FBN3: variants seen among roughly 807,000 people sequenced by gnomAD.
The protein encoded by FBN3 is fibrillin 3, also known as fibrillin-3.
A neutral mutation model predicts 330.1 loss-of-function variants in FBN3; 234 were observed. The observed-to-expected ratio is 0.71, with a 90% CI of 0.64 to 0.79. FBN3 has a LOEUF of 0.79. FBN3 is among the 30% of genes least tolerant of loss of function. The probability of loss-of-function intolerance (pLI) is 0.00; values close to 1 mark genes in which losing one functional copy is unlikely to be tolerated. For missense variants in FBN3, 3,606 were observed against 3,886.9 expected, an observed-to-expected ratio of 0.93 and a Z score of 1.92; for synonymous variants, 1,458 against 1,517.3, an observed-to-expected ratio of 0.96 and a Z score of 0.91.
intron 41 of FBN3, among the ~76,000 whole-genome samples, chr19:8,099,358 G>C (rs1599337148): frequency 7.3e-6 from 1 of 137,140 alleles, no homozygotes; most frequent in Admixed American, 8.7e-5. Flanking sequence ...TCGGCTCACT[G>C]CAAGCTCCAT....
chr19:8,078,571 G>A (rs1355531430), intron 59 of FBN3, among the ~76,000 whole-genome samples: 2 of 125,006 alleles, frequency 1.6e-5, no homozygotes, highest in Non-Finnish European at 3.2e-5. Flanking sequence ...CACATCCAGT[G>A]AAAACCTTAC....
chr19:8,141,195 A>T (rs1283820600), intron 8 of FBN3, among the ~76,000 whole-genome samples: 1 of 41,442 alleles, frequency 2.4e-5, no homozygotes, highest in Non-Finnish European at 7.4e-5. Flanking sequence ...ACTCCGTCTC[A>T]AAAAAAAAAA....
chr19:8,079,137 G>T (rs1473508924), intron 59 of FBN3, among the ~76,000 whole-genome samples: 1 of 152,138 alleles, frequency 6.6e-6, no homozygotes, highest in Non-Finnish European at 1.5e-5. Flanking sequence ...GGAGGCTGAG[G>T]TGGGAGGATC....
rs373137320 is a variant in FBN3 at position 8,129,041 on chromosome 19, C to T, written c.2283G>A (p.Thr761=). 26 of 1,612,856 alleles carry T rather than the reference C, an allele frequency of 1.6e-5. No individual in the cohort carries two copies. Among genetic ancestry groups the T allele is most frequent in the African/African-American group, 2.7e-5 (2 of 74,902 alleles). Residue 761 remains threonine, a synonymous_variant, in exon 18 of 64, where the codon ACG becomes ACA. Coordinates refer to ENST00000600128, the MANE Select transcript of FBN3 (RefSeq NM_032447.5). This position sits in a 1 kb window ranked among gnomAD's most constrained non-coding sequence, Gnocchi z 4.5. ...CPPGFHFWQD[T]EICKDVDECL... ...GGGACCCAGTACCTTTGCAGATCTC[C>T]GTGTCCTGCCAGAAGTGGAAGCCGG...
chr19:8,148,393 C>T (rs8102199), intron 1 of FBN3, among the ~76,000 whole-genome samples: 1,527 of 152,246 alleles, frequency 0.01, 27 homozygotes, highest in African/African-American at 0.036. Context: ...GGGAAGGGAC[C>T]GCTTCTGTGC....
intron 13 of FBN3, among the ~76,000 whole-genome samples, chr19:8,134,226 A>G (rs2083224156): frequency 1.3e-5 from 2 of 149,904 alleles, no homozygotes; most frequent in East Asian, 2.0e-4. Flanking sequence ...TGGGTGACAG[A>G]GTGAGACTCC....
rs933790668 is a variant in FBN3, at chr19:8,109,914, C to T, written c.4334-161G>A. 6.6e-6 allele frequency among the ~76,000 whole-genome samples: 1 copy of T among 152,158 alleles called. No homozygotes were observed. Among genetic ancestry groups the T allele is most frequent in the African/African-American group, 2.4e-5 (1 of 41,432 alleles). Reference sequence around the variant, plus strand: ...TTCCCTGGGAAGAAACCTAAGGGGACAGGAGCCTCCAGTCTGTCCTGTCCC... The same window carrying T: ...TTCCCTGGGAAGAAACCTAAGGGGATAGGAGCCTCCAGTCTGTCCTGTCCC... On this transcript the variant is annotated intron_variant, in intron 34 of 63. Coordinates refer to ENST00000600128, the MANE Select transcript of FBN3 (RefSeq NM_032447.5). This position sits in a 1 kb window ranked among gnomAD's most constrained non-coding sequence, Gnocchi z 5.2.
chr19:8,121,047 G>A lies in FBN3; in HGVS notation c.3211+211C>T, dbSNP rs1038507199. On this transcript the variant is annotated intron_variant, in intron 25 of 63. Transcript: ENST00000600128. This position sits in a 1 kb window ranked among gnomAD's most constrained non-coding sequence, Gnocchi z 4.5. Reference sequence around the variant, plus strand: ...CTGGGAGACCACACCCCAGTGTGCCGGCCACCCCCAGGTCTCAGGCCCCAG... The same window carrying A: ...CTGGGAGACCACACCCCAGTGTGCCAGCCACCCCCAGGTCTCAGGCCCCAG... Among the ~76,000 whole-genome samples, 1 of 151,976 alleles carries A rather than the reference G, an allele frequency of 6.6e-6. No homozygotes were observed. Among genetic ancestry groups the A allele is most frequent in the Non-Finnish European group, 1.5e-5 (1 of 67,992 alleles).
chr19:8,127,744 G>A (rs1445996398), intron 18 of FBN3, among the ~76,000 whole-genome samples: 1 of 152,224 alleles, frequency 6.6e-6, no homozygotes, highest in Non-Finnish European at 1.5e-5. Flanking sequence ...ACCTCTTTGG[G>A]AGGCAGAGGC....
rs1049041547 is a variant in FBN3 at position 8,147,194 on chromosome 19, G to T, written c.168-8C>A. 4 of 1,564,422 alleles carry T rather than the reference G, an allele frequency of 2.6e-6. No individual in the cohort carries two copies. Among genetic ancestry groups the T allele is most frequent in the Non-Finnish European group, 3.5e-6 (4 of 1,155,064 alleles). ...GAGCCGCACACATTCGGCCTTCGGGGACAGCGAGATGGGTCTGGTGAGCCC... is the reference window on the plus strand; with the variant it reads ...GAGCCGCACACATTCGGCCTTCGGGTACAGCGAGATGGGTCTGGTGAGCCC... On this transcript the variant is annotated splice_region_variant and splice_polypyrimidine_tract_variant and intron_variant, in intron 2 of 63. Transcript: ENST00000600128.
At chr19:8,077,780 G>A (rs2081675273) in intron 59 of FBN3, among the ~76,000 whole-genome samples, 1 of 151,754 alleles carries the variant, frequency 6.6e-6, no homozygotes, top group Non-Finnish European at 1.5e-5. Context: ...CTAGACTCTG[G>A]CCAGAAGAAA....
chr19:8,144,762 G>T, intron 6 of FBN3, 115 bp downstream of exon 6: 1 of 733,564 alleles, frequency 1.4e-6, no homozygotes, highest in Non-Finnish European at 2.3e-6. Flanking sequence ...CCCCAAATGC[G>T]GGAAGGAGGC....
rs375253143 is a variant in FBN3, at chr19:8,109,394, C to G, written c.4457-6G>C. 6.2e-7 allele frequency: 1 copy of G among 1,614,150 alleles called. No individual in the cohort carries two copies. The highest frequency in any genetic ancestry group is 1.3e-5 in the African/African-American group (1 of 75,058). On this transcript the variant is annotated splice_region_variant and splice_polypyrimidine_tract_variant and intron_variant, in intron 35 of 63. Coordinates refer to ENST00000600128, the MANE Select transcript of FBN3 (RefSeq NM_032447.5). The surrounding 1 kb of genome is among the most constrained non-coding windows in gnomAD (Gnocchi z 5.2). ...ACAGTTCCCGGCCCGAGTGTCTGAA[C>G]AGGCAGAAGGGGATGGTTAGTAGGT... is the stretch of plus-strand genomic sequence containing the variant.
At chr19:8,118,654 C>A (rs1254153581) in intron 26 of FBN3, among the ~76,000 whole-genome samples, 2 of 152,066 alleles carry the variant, frequency 1.3e-5, no homozygotes, top group Admixed American at 6.6e-5. Context: ...TGCCCTTGTA[C>A]AGACACTCAC....
At chr19:8,077,227 A>G (rs1347215032) in intron 59 of FBN3, among the ~76,000 whole-genome samples, 1 of 152,214 alleles carries the variant, frequency 6.6e-6, no homozygotes, top group African/African-American at 2.4e-5. Context: ...TGGCTGGTAT[A>G]CTGCATTTGA....
chr19:8,082,515 A>T (rs2081827515), intron 57 of FBN3, among the ~76,000 whole-genome samples: 1 of 139,240 alleles, frequency 7.2e-6, no homozygotes, highest in Admixed American at 7.7e-5. Flanking sequence ...TTCTTTCTTG[A>T]CAGAGTCTCA....
At position 8,119,010 on chromosome 19, in the gene FBN3, C is replaced by T. The variant is rs1377941784; in HGVS notation, c.3224G>A (p.Cys1075Tyr). 3.1e-6 allele frequency: 5 copies of T among 1,602,914 alleles called. No individual in the cohort carries two copies. In the South Asian group the frequency reaches 5.5e-5, roughly 18 times the overall value. ...LMKNCMDVDE[C>Y]ARDPLLCRGG... ...CCGGCAGAGCAGCGGGTCCCTTGCACACTCGTCCACGTCTGAAGGTTTGTG... is the reference window on the plus strand; with the variant it reads ...CCGGCAGAGCAGCGGGTCCCTTGCATACTCGTCCACGTCTGAAGGTTTGTG... Residue 1075 changes from cysteine to tyrosine, a missense_variant, in exon 26 of 64, where the codon TGT (cysteine) becomes TAT (tyrosine). Cys to Tyr is a radical substitution (Grantham distance 194, BLOSUM62 -2). Transcript: ENST00000600128.
At chr19:8,072,020 C>T in intron 63 of FBN3, 28 bp downstream of exon 63, 1 of 1,600,554 alleles carries the variant, frequency 6.2e-7, no homozygotes, top group African/African-American at 1.3e-5. Flanking sequence ...TCCCTGGCCA[C>T]CCCTGCCTAG....
Position 8,073,191 on chromosome 19 carries a change from C to T in FBN3, c.7809G>A (p.Gln2603=). Residue 2603 remains glutamine (Q), a synonymous_variant, in exon 62 of 64, where the codon CAG becomes CAA. Transcript: ENST00000600128. ...CVCPSGFDFD[Q]ALGGCQEVDE... Reference sequence around the variant, plus strand: ...CCACCTCCTGGCAGCCCCCGAGGGCCTGATCAAAGTCAAAGCCAGAGGGGC... The same window carrying T: ...CCACCTCCTGGCAGCCCCCGAGGGCTTGATCAAAGTCAAAGCCAGAGGGGC... 2 of 1,614,028 alleles carry T rather than the reference C, an allele frequency of 1.2e-6. No individual in the cohort carries two copies. The highest frequency in any genetic ancestry group is 1.7e-6 in the Non-Finnish European group (2 of 1,179,988).
Sources: allele counts gnomAD v4.1 joint callset (sites outside exome capture counted in the v4.1 genomes callset), GRCh38; gene constraint gnomAD v4.1.1; non-coding constraint Gnocchi (gnomAD v3.1); transcripts MANE v1.5; gene names NCBI Gene and HGNC (gene_info 2026-07-23, HGNC 2026-07-21).